Variants in DLG2 observed in about 807,000 individuals in gnomAD.
DLG2 encodes the protein discs large MAGUK scaffold protein 2.
In DLG2, 45 loss-of-function variants were observed where a neutral mutation model predicts 132.5. The observed-to-expected ratio is 0.34, with a 90% CI of 0.27 to 0.44. The LOEUF is 0.44. DLG2 is among the 20% of genes least tolerant of loss of function. The pLI is 1.00. For missense variants in DLG2, 1,045 were observed against 1,196.9 expected (o/e 0.87, Z 1.87); for synonymous variants, 424 against 419.6 (o/e 1.01, Z -0.13).
In DLG2 at chr11:85,285,321, T is replaced by A; in HGVS notation, c.85A>T (p.Ser29Cys). The A allele has an allele frequency of 1.2e-6, 2 of 1,611,750 alleles. No individual in the cohort carries two copies. The highest frequency in any genetic ancestry group is 8.5e-7 in the Non-Finnish European group (1 of 1,178,528). ...GCTTCTTCTATCTTCTGCTCACAAC[T>A]TTTTTGAGAATTTAGCAATGTCACC... ...YEVTLLNSQK[S>C]CEQKIEEANQ... The change falls in exon 4 of 28, where the codon AGT becomes TGT. Residue 29 changes from serine to cysteine, a missense_variant. Around this residue, in one of 4 missense-constraint regions of DLG2, gnomAD observed 277 missense variants for 238.2 expected, o/e 1.16. Coordinates refer to ENST00000376104, the MANE Select transcript of DLG2 (RefSeq NM_001142699.3).
intron 6 of DLG2, among the ~76,000 whole-genome samples, chr11:84,874,258 C>T (rs914354093): frequency 2.6e-5 from 4 of 152,208 alleles, no homozygotes; most frequent in African/African-American, 9.6e-5. Flanking sequence ...AGGAAGGCTT[C>T]CTTTGAAGAA....
At chr11:84,504,063 A>C (rs2099230923) in intron 7 of DLG2, among the ~76,000 whole-genome samples, 1 of 152,208 alleles carries the variant, frequency 6.6e-6, no homozygotes, top group Non-Finnish European at 1.5e-5. Flanking sequence ...AATAACAAAA[A>C]TAGCTGTTAC....
chr11:83,978,759 A>G (rs1364267526), intron 12 of DLG2, among the ~76,000 whole-genome samples: 2 of 152,122 alleles, frequency 1.3e-5, no homozygotes, highest in Non-Finnish European at 2.9e-5. Flanking sequence ...GAGACACAGT[A>G]GGTGGGCAGC....
At chr11:85,077,780 G>T (rs184373954) in intron 6 of DLG2, among the ~76,000 whole-genome samples, 2 of 151,940 alleles carry the variant, frequency 1.3e-5, no homozygotes, top group African/African-American at 4.8e-5. Context: ...TTTTTCCTGC[G>T]TTACATATGT....
At chr11:84,135,843 G>C (rs2094580173) in intron 9 of DLG2, among the ~76,000 whole-genome samples, 1 of 152,108 alleles carries the variant, frequency 6.6e-6, no homozygotes, top group African/African-American at 2.4e-5. Context: ...ATCACACTGG[G>C]CGCAGTGTGA....
At chr11:84,391,350 A>T (rs2098792022) in intron 7 of DLG2, among the ~76,000 whole-genome samples, 1 of 152,294 alleles carries the variant, frequency 6.6e-6, no homozygotes, top group South Asian at 2.1e-4. Flanking sequence ...GTCTGAAAGG[A>T]TACATAAGAA....
At chr11:85,599,849 A>G (rs998802272) in intron 2 of DLG2, among the ~76,000 whole-genome samples, 1 of 152,208 alleles carries the variant, frequency 6.6e-6, no homozygotes, top group Non-Finnish European at 1.5e-5. Flanking sequence ...ATCCTTCACA[A>G]GACAAAACAT....
intron 4 of DLG2, among the ~76,000 whole-genome samples, chr11:85,214,710 G>A (rs773822478): frequency 1.3e-5 from 2 of 152,030 alleles, no homozygotes; most frequent in Non-Finnish European, 2.9e-5. Flanking sequence ...TCAACACTTT[G>A]GATATCCACA....
chr11:85,015,562 A>G (rs2059502072), intron 6 of DLG2, among the ~76,000 whole-genome samples: 1 of 152,170 alleles, frequency 6.6e-6, no homozygotes, highest in African/African-American at 2.4e-5. Flanking sequence ...TAAAATATGT[A>G]TAAGATGATG....
At chr11:84,099,858 GAT>G (rs373401269) in intron 9 of DLG2, among the ~76,000 whole-genome samples, 918 of 4,620 alleles carry the variant, frequency 0.2, 276 homozygotes, top group Non-Finnish European at 0.51. Context: ...TATCTAAAGA[GAT>G]ATATATATCT....
At chr11:84,468,051 C>T (rs894570177) in intron 7 of DLG2, among the ~76,000 whole-genome samples, 12 of 151,370 alleles carry the variant, frequency 7.9e-5, no homozygotes, top group African/African-American at 2.9e-4. Context: ...AAAACAATAC[C>T]TACTTTGCAG....
intron 3 of DLG2, among the ~76,000 whole-genome samples, chr11:85,543,664 T>C (rs2076116750): frequency 6.6e-6 from 1 of 152,238 alleles, no homozygotes; most frequent in South Asian, 2.1e-4. Context: ...TCCTGACTTT[T>C]TAATGATCAC....
At chr11:85,046,238 G>C (rs2062334950) in intron 6 of DLG2, among the ~76,000 whole-genome samples, 1 of 151,984 alleles carries the variant, frequency 6.6e-6, no homozygotes, top group Admixed American at 6.6e-5. Context: ...TCTACCACAG[G>C]GCAGGAGCTT....
chr11:84,723,570 T>G (rs1474859377), intron 6 of DLG2, among the ~76,000 whole-genome samples: 2 of 152,148 alleles, frequency 1.3e-5, no homozygotes, highest in East Asian at 3.9e-4. Flanking sequence ...TCCATGACAA[T>G]GCATTCCATA....
chr11:84,049,687 T>A (rs539442648), intron 11 of DLG2, among the ~76,000 whole-genome samples: 1 of 151,966 alleles, frequency 6.6e-6, no homozygotes, highest in Admixed American at 6.6e-5. Context: ...AGGGTTAGAA[T>A]TAGCGGTTTC....
intron 3 of DLG2, among the ~76,000 whole-genome samples, chr11:85,564,901 T>A (rs1056228530): frequency 2.5e-4 from 38 of 152,072 alleles, no homozygotes; most frequent in African/African-American, 9.2e-4. Context: ...TTTATTCAGG[T>A]CTTATTTAAT....
intron 4 of DLG2, among the ~76,000 whole-genome samples, chr11:85,170,221 T>C (rs1336951892): frequency 1.3e-5 from 2 of 152,132 alleles, no homozygotes; most frequent in East Asian, 1.9e-4. Context: ...CTAATGGTAA[T>C]AGACTGGAGG....
chr11:84,108,037 T>C (rs191129036), intron 9 of DLG2, among the ~76,000 whole-genome samples: 101 of 152,230 alleles, frequency 6.6e-4, no homozygotes, highest in Admixed American at 1.4e-3. Flanking sequence ...GGGAAAAAGA[T>C]ATGGTTTACT....
At chr11:83,878,664 C>T (rs963725502) in intron 15 of DLG2, among the ~76,000 whole-genome samples, 3 of 152,128 alleles carry the variant, frequency 2.0e-5, no homozygotes, top group Non-Finnish European at 4.4e-5. Flanking sequence ...ACTTCTCTGT[C>T]CCACCCACAC....
Sources: allele counts gnomAD v4.1 joint callset (sites outside exome capture counted in the v4.1 genomes callset), GRCh38; gene constraint gnomAD v4.1.1; regional missense constraint gnomAD v4.1.1; transcripts MANE v1.5; gene names NCBI Gene and HGNC (gene_info 2026-07-23, HGNC 2026-07-21).